Variants in NCAPD3 observed in about 807,000 individuals in gnomAD.
NCAPD3 encodes the protein non-SMC condensin II complex subunit D3, also known as condensin-2 complex subunit D3.
In NCAPD3, 105 loss-of-function variants were observed where a neutral mutation model predicts 182.9. That is an observed-to-expected ratio of 0.57 (90% CI 0.49 to 0.68). The LOEUF (loss-of-function observed/expected upper bound fraction) is 0.68. Ranked by LOEUF, NCAPD3 falls within the 30% of genes least tolerant of loss-of-function variation. NCAPD3 has a pLI of 0.00. For missense variants in NCAPD3, 1,944 were observed against 1,837.0 expected (o/e 1.06, Z -1.07); for synonymous variants, 815 against 679.9 (o/e 1.20, Z -3.09).
chr11:134,225,145 A>G (rs1224117576), upstream of NCAPD3: 1 of 1,611,224 alleles, frequency 6.2e-7, no homozygotes, highest in East Asian at 2.2e-5. Flanking sequence ...GGCTTCGGGC[A>G]GAGCGTGGAG....
chr11:134,183,079 G>C (rs1236149346), intron 19 of NCAPD3: 1 of 456,124 alleles, frequency 2.2e-6, no homozygotes, highest in Non-Finnish European at 4.4e-6. Context: ...AATGGCCCTG[G>C]GCCAGCAGCA....
At chr11:134,212,335 A>T (rs892520231) in intron 3 of NCAPD3, among the ~76,000 whole-genome samples, 15 of 151,912 alleles carry the variant, frequency 9.9e-5, no homozygotes, top group Non-Finnish European at 2.1e-4. Flanking sequence ...AAAATAACAC[A>T]CAAGAGGAGA....
rs1403936328 is a variant in NCAPD3, at chr11:134,152,115, C to T, written c.*829G>A. 1 of 152,278 alleles carries T rather than the reference C, an allele frequency of 6.6e-6. No individual in the cohort carries two copies. Among genetic ancestry groups the T allele is most frequent in the Non-Finnish European group, 1.5e-5 (1 of 68,058 alleles). 9.4% of individuals were successfully genotyped at this position (152,278 alleles called of 1,614,324 possible). On this transcript the variant is annotated 3_prime_UTR_variant, in exon 35 of 35. Transcript: ENST00000534548. ...TTGAACAAAAATAGCATTCAGTTTA[C>T]CCACTAGTGCTAACAGAAGAGACTC...
chr11:134,181,840 C>T (rs549668735), intron 19 of NCAPD3, among the ~76,000 whole-genome samples: 4 of 152,128 alleles, frequency 2.6e-5, no homozygotes, highest in African/African-American at 9.6e-5. Flanking sequence ...TACCCGATGC[C>T]GACTTTTATT....
At chr11:134,158,165 T>C (rs1943478423) in intron 30 of NCAPD3, 98 bp from the exon 31 acceptor site, 1 of 1,528,862 alleles carries the variant, frequency 6.5e-7, no homozygotes, top group Non-Finnish European at 8.9e-7. Context: ...CACCGGCGCA[T>C]CCCTCACCAC....
At chr11:134,169,810 C>G (rs936295676) in intron 24 of NCAPD3, among the ~76,000 whole-genome samples, 1 of 152,254 alleles carries the variant, frequency 6.6e-6, no homozygotes, top group East Asian at 1.9e-4. Flanking sequence ...TGCCAAAGCA[C>G]TGATTTTTGC....
intron 20 of NCAPD3, among the ~76,000 whole-genome samples, chr11:134,179,371 T>C (rs989298501): frequency 2.0e-5 from 3 of 152,236 alleles, no homozygotes; most frequent in Non-Finnish European, 4.4e-5. Flanking sequence ...AAGTATAGTA[T>C]TTTGAAGTCT....
intron 27 of NCAPD3, among the ~76,000 whole-genome samples, chr11:134,166,343 A>G: frequency 8.7e-5 from 1 of 11,436 alleles, no homozygotes; most frequent in Non-Finnish European, 1.3e-4. Flanking sequence ...CACTAGTGAG[A>G]TGAGCTTGGG....
Position 134,202,718 on chromosome 11 carries a change from T to C in NCAPD3, c.1615+98A>G, listed in dbSNP as rs543450596. 24 of 902,140 alleles carry C rather than the reference T, an allele frequency of 2.7e-5. No homozygotes were observed. In the Middle Eastern group the frequency reaches 7.1e-4, roughly 27 times the overall value. The allele number at this position is 902,140 out of a possible 1,614,324, so 55.9% of individuals were successfully genotyped here. A position where few individuals can be genotyped will look rare whatever the true frequency, so the allele number is the denominator to read the frequency against. ...GTTTCAACTCTTAGGGGTGAATAAA[T>C]CAGAAAAAAAAAAAAAAATCCAAGG... On this transcript the variant is annotated intron_variant, in intron 13 of 34. Coordinates refer to ENST00000534548, the MANE Select transcript of NCAPD3 (RefSeq NM_015261.3).
intron 26 of NCAPD3, 112 bp downstream of exon 26, chr11:134,168,357 G>A: frequency 2.0e-6 from 3 of 1,522,882 alleles, no homozygotes; most frequent in Admixed American, 1.7e-5. Context: ...CAAGATGACA[G>A]GGGTCTTCCT....
intron 1 of NCAPD3, among the ~76,000 whole-genome samples, chr11:134,222,441 A>G (rs1938266734): frequency 6.6e-6 from 1 of 152,232 alleles, no homozygotes; most frequent in African/African-American, 2.4e-5. Flanking sequence ...AGGCCACTGA[A>G]TTTTGAGTCA....
intron 2 of NCAPD3, among the ~76,000 whole-genome samples, chr11:134,219,581 G>C (rs933507496): frequency 6.6e-6 from 1 of 152,136 alleles, no homozygotes; most frequent in African/African-American, 2.4e-5. Flanking sequence ...GTGAAACTTG[G>C]AAGTGAATTT....
At chr11:134,189,987 T>C (rs1944490605) in intron 16 of NCAPD3, among the ~76,000 whole-genome samples, 1 of 152,236 alleles carries the variant, frequency 6.6e-6, no homozygotes, top group African/African-American at 2.4e-5. Flanking sequence ...AAAGATTTTG[T>C]CCACTAACTA....
intron 16 of NCAPD3, among the ~76,000 whole-genome samples, chr11:134,186,497 G>A (rs1165493854): frequency 6.6e-6 from 1 of 152,186 alleles, no homozygotes; most frequent in Non-Finnish European, 1.5e-5. Flanking sequence ...ATAGTTGTGA[G>A]CCACTGTGCC....
Position 134,176,374 on chromosome 11 carries a change from T to A in NCAPD3, c.3034A>T (p.Lys1012Ter). The change falls in exon 24 of 35, where the codon AAA (lysine) becomes TAA (stop). Residue 1012 changes from lysine to a stop codon, truncating the protein, a stop_gained. Coordinates refer to ENST00000534548, the MANE Select transcript of NCAPD3 (RefSeq NM_015261.3). LOFTEE classifies it high-confidence loss of function. The part of the protein sequence containing the change: ...LTNLLQEEFV[K>*]WKGSLFFRFV... ...CGGAAGAACAGGGAGCCCTTCCATTTCACAAATTCCTCCTGTGCAGAGAGA... is the reference window on the plus strand; with the variant it reads ...CGGAAGAACAGGGAGCCCTTCCATTACACAAATTCCTCCTGTGCAGAGAGA... 1 of 1,613,980 alleles carries A rather than the reference T, an allele frequency of 6.2e-7. No individual in the cohort carries two copies. The highest frequency in any genetic ancestry group is 8.5e-7 in the Non-Finnish European group (1 of 1,179,916).
At chr11:134,156,832 C>G in intron 32 of NCAPD3, 186 bp downstream of exon 32, 1 of 511,836 alleles carries the variant, frequency 2.0e-6, no homozygotes, top group African/African-American at 1.9e-5. Flanking sequence ...GAACAACATA[C>G]TCGGTCAGTG....
At chr11:134,166,890 T>A (rs1943833678) in intron 27 of NCAPD3, among the ~76,000 whole-genome samples, 1 of 120,624 alleles carries the variant, frequency 8.3e-6, no homozygotes, top group South Asian at 3.1e-4. Flanking sequence ...CACTCACTTG[T>A]GAGATGAGCT....
intron 3 of NCAPD3, among the ~76,000 whole-genome samples, chr11:134,214,797 C>T (rs538619333): frequency 1.3e-5 from 2 of 152,160 alleles, no homozygotes; most frequent in South Asian, 4.1e-4. Flanking sequence ...TTCTACCAAA[C>T]ATCTGAAGAA....
intron 16 of NCAPD3, among the ~76,000 whole-genome samples, chr11:134,190,210 T>C (rs2135993113): frequency 6.6e-6 from 1 of 152,322 alleles, no homozygotes; most frequent in Non-Finnish European, 1.5e-5. Flanking sequence ...TTGTCTGCAG[T>C]GTTAACTCGA....
Sources: allele counts gnomAD v4.1 joint callset (sites outside exome capture counted in the v4.1 genomes callset), GRCh38; gene constraint gnomAD v4.1.1; transcripts MANE v1.5; gene names NCBI Gene and HGNC (gene_info 2026-07-23, HGNC 2026-07-21).